The following FHIP1A variants were observed in gnomAD, a reference collection of about 807,000 sequenced individuals.
FHIP1A encodes FHF complex subunit HOOK interacting protein 1A, also known as FHF complex subunit HOOK-interacting protein 1A.
Under a neutral mutation model 88.6 loss-of-function variants are expected in FHIP1A, and 61 were observed. The ratio of observed to expected loss-of-function variants is 0.69; its 90% CI spans 0.56 to 0.85. The LOEUF is 0.85. FHIP1A is among the 40% of genes least tolerant of loss of function. FHIP1A has a pLI of 0.00. For missense variants in FHIP1A, 1,154 were observed against 1,273.5 expected, an observed-to-expected ratio of 0.91 and a Z score of 1.43; for synonymous variants, 478 against 496.0, an observed-to-expected ratio of 0.96 and a Z score of 0.48.
At chr4:151,455,473 G>A (rs1046956251) in intron 2 of FHIP1A, among the ~76,000 whole-genome samples, 1 of 152,176 alleles carries the variant, frequency 6.6e-6, no homozygotes, top group Non-Finnish European at 1.5e-5. Flanking sequence ...TAATAGTGAG[G>A]CTGGATTAGG....
chr4:151,619,055 G>A (rs1735645042), intron 7 of FHIP1A, among the ~76,000 whole-genome samples: 1 of 152,272 alleles, frequency 6.6e-6, no homozygotes, highest in Non-Finnish European at 1.5e-5. Flanking sequence ...CCCTGTGCCA[G>A]AGTGGAACAG....
At chr4:151,549,438 C>T (rs902527562) in intron 3 of FHIP1A, among the ~76,000 whole-genome samples, 3 of 149,784 alleles carry the variant, frequency 2.0e-5, no homozygotes, top group Admixed American at 1.3e-4. Flanking sequence ...TTGCAGTGAG[C>T]CAAGATCACA....
chr4:151,438,605 CTTT>C (rs200467402), intron 1 of FHIP1A, among the ~76,000 whole-genome samples: 1 of 132,454 alleles, frequency 7.5e-6, no homozygotes. Context: ...CGGTTTTTGC[CTTT>C]TTTTTTTTTT....
intron 1 of FHIP1A, among the ~76,000 whole-genome samples, chr4:151,434,685 T>C (rs1291603544): frequency 7.2e-5 from 11 of 152,176 alleles, no homozygotes; most frequent in African/African-American, 2.7e-4. Flanking sequence ...ATATTATTAG[T>C]GACATGGGAC....
rs116019140 is a variant in FHIP1A, at chr4:151,426,466, G to A, written c.-356+17001G>A. 8.6e-3 allele frequency among the ~76,000 whole-genome samples: 1,304 copies of A among 152,210 alleles called. 13 individuals are homozygous for A. Among genetic ancestry groups the A allele is most frequent in the African/African-American group, 0.029 (1,199 of 41,538 alleles). On this transcript the variant is annotated intron_variant, in intron 1 of 13. Transcript: ENST00000435205. ...GTGCTTCTCAAGAAAAGTGAAGGGT[G>A]AATGAAAATCTCTTCACTTGAAGTT... is the stretch of plus-strand genomic sequence containing the variant.
At chr4:151,530,641 A>G (rs186848135) in intron 3 of FHIP1A, among the ~76,000 whole-genome samples, 2 of 152,188 alleles carry the variant, frequency 1.3e-5, no homozygotes, top group Admixed American at 6.5e-5. Flanking sequence ...CTCTGGGAAA[A>G]CGTTTGCAAT....
chr4:151,506,075 C>T (rs1730828263), intron 3 of FHIP1A, among the ~76,000 whole-genome samples: 1 of 152,130 alleles, frequency 6.6e-6, no homozygotes, highest in African/African-American at 2.4e-5. Context: ...GCACATGCCA[C>T]CATGCATGGC....
Position 151,650,451 on chromosome 4 carries a change from C to T in FHIP1A, c.2410C>T (p.Leu804=). 1 of 1,551,536 alleles carries T rather than the reference C, an allele frequency of 6.4e-7. No individual in the cohort carries two copies. The highest frequency in any genetic ancestry group is 8.7e-7 in the Non-Finnish European group (1 of 1,146,866). The part of the protein sequence containing the change: ...GEKEKEGKKE[L]EDEEDDFDSF... Reference sequence around the variant, plus strand: ...AAAGGAGAAGGAGGGGAAGAAGGAGCTAGAAGATGAGGAGGATGACTTTGA... The same window carrying T: ...AAAGGAGAAGGAGGGGAAGAAGGAGTTAGAAGATGAGGAGGATGACTTTGA... Residue 804 remains leucine (L), a synonymous_variant, in exon 11 of 14, where the codon CTA becomes TTA. Coordinates refer to ENST00000435205, the MANE Select transcript of FHIP1A (RefSeq NM_001109977.3).
At chr4:151,412,879 C>T (rs1280270851) in intron 1 of FHIP1A, among the ~76,000 whole-genome samples, 1 of 150,920 alleles carries the variant, frequency 6.6e-6, no homozygotes, top group African/African-American at 2.4e-5. Context: ...AGATGGGGTT[C>T]CTCCATGTTG....
chr4:151,411,805 G>A (rs1230944248), intron 1 of FHIP1A, among the ~76,000 whole-genome samples: 2 of 152,116 alleles, frequency 1.3e-5, no homozygotes, highest in Non-Finnish European at 2.9e-5. Flanking sequence ...TGAAGATCTG[G>A]ATCAGATTCT....
intron 7 of FHIP1A, among the ~76,000 whole-genome samples, chr4:151,606,976 G>T (rs1336671044): frequency 2.0e-5 from 3 of 152,208 alleles, no homozygotes; most frequent in African/African-American, 4.8e-5. Flanking sequence ...TTTACAGGCA[G>T]GCGCTGGTTC....
intron 2 of FHIP1A, among the ~76,000 whole-genome samples, chr4:151,468,979 C>G (rs1729421978): frequency 1.3e-5 from 2 of 151,990 alleles, no homozygotes; most frequent in South Asian, 4.1e-4. Context: ...CCTGGGATCC[C>G]AAGAACCACC....
At chr4:151,636,534 A>G (rs1190566398) in intron 8 of FHIP1A, among the ~76,000 whole-genome samples, 3 of 152,076 alleles carry the variant, frequency 2.0e-5, no homozygotes, top group Non-Finnish European at 2.9e-5. Context: ...GTTAGAATGA[A>G]TGAGTCTAGT....
At chr4:151,418,184 A>AC (rs1732968112) in intron 1 of FHIP1A, among the ~76,000 whole-genome samples, 1 of 151,136 alleles carries the variant, frequency 6.6e-6, no homozygotes, top group African/African-American at 2.4e-5. Flanking sequence ...AAAAAAAAAA[A>AC]AAAAAAAAAA....
At chr4:151,638,611 C>T (rs934991644) in intron 8 of FHIP1A, 66 bp from the exon 9 acceptor site, 44 of 869,356 alleles carry the variant, frequency 5.1e-5, no homozygotes, top group Admixed American at 8.6e-5. Context: ...GATTTATTTA[C>T]TATCTGTGGG....
intron 3 of FHIP1A, among the ~76,000 whole-genome samples, chr4:151,548,906 T>C (rs1452560570): frequency 1.3e-5 from 2 of 152,228 alleles, no homozygotes; most frequent in Non-Finnish European, 2.9e-5. Context: ...CAACTTTTAC[T>C]TTCTGCAGAA....
intron 3 of FHIP1A, among the ~76,000 whole-genome samples, chr4:151,545,369 C>CT (rs569126288): frequency 0.23 from 18,704 of 81,592 alleles, 4,847 homozygotes; most frequent in Non-Finnish European, 0.27. Flanking sequence ...CCTTATCCTT[C>CT]TTTTTTTTTT....
chr4:151,470,654 C>T (rs753493289), intron 2 of FHIP1A, among the ~76,000 whole-genome samples: 9 of 152,148 alleles, frequency 5.9e-5, no homozygotes, highest in South Asian at 2.1e-4. Context: ...TACAAAATAT[C>T]GGTATTAATT....
intron 4 of FHIP1A, among the ~76,000 whole-genome samples, chr4:151,572,019 C>A (rs1018659045): frequency 1.3e-5 from 2 of 152,106 alleles, no homozygotes; most frequent in African/African-American, 4.8e-5. Context: ...ACCAGCCTGG[C>A]CAACATGGTG....
Sources: allele counts gnomAD v4.1 joint callset (sites outside exome capture counted in the v4.1 genomes callset), GRCh38; gene constraint gnomAD v4.1.1; transcripts MANE v1.5; gene names NCBI Gene and HGNC (gene_info 2026-07-23, HGNC 2026-07-21).